The following WWOX variants were observed in gnomAD, a reference collection of about 807,000 sequenced individuals.
WWOX encodes the protein WW domain-containing oxidoreductase.
A neutral mutation model predicts 46.2 loss-of-function variants in WWOX; 69 were observed. That is an observed-to-expected ratio of 1.49 (90% CI 1.23 to 1.82). The LOEUF (loss-of-function observed/expected upper bound fraction) is 1.82, where lower values mean the gene tolerates loss of function less well. WWOX is among the 40% of genes most tolerant of loss of function. The probability of loss-of-function intolerance (pLI) is 0.00; values close to 1 mark genes in which losing one functional copy is unlikely to be tolerated. For synonymous variants in WWOX, 359 were observed against 202.6 expected (o/e 1.77, Z -6.56); for missense variants, 919 against 542.6 (o/e 1.69, Z -6.89).
chr16:78,422,408 A>G (rs1322109883), intron 6 of WWOX, among the ~76,000 whole-genome samples: 2 of 151,256 alleles, frequency 1.3e-5, no homozygotes, highest in Non-Finnish European at 2.9e-5. Flanking sequence ...TAGTGGTATG[A>G]TCATAGCTCA....
At chr16:78,881,458 A>AC (rs1330817027) in intron 8 of WWOX, among the ~76,000 whole-genome samples, 15 of 152,252 alleles carry the variant, frequency 9.9e-5, no homozygotes, top group African/African-American at 2.4e-4. Context: ...TCAGAGAATA[A>AC]AAGTTTCCAA....
chr16:79,024,618 G>C (rs1337593246), intron 8 of WWOX, among the ~76,000 whole-genome samples: 1 of 151,850 alleles, frequency 6.6e-6, no homozygotes, highest in African/African-American at 2.4e-5. Flanking sequence ...TATTTTTTTA[G>C]TAGAGACGGG....
At chr16:78,446,657 CTTTTTTTTTTTTTT>C (rs5818138) in intron 8 of WWOX, among the ~76,000 whole-genome samples, 1 of 88,120 alleles carries the variant, frequency 1.1e-5, no homozygotes, top group African/African-American at 4.6e-5. Flanking sequence ...CAAGTGTATA[CTTTTTTTTTTTTTT>C]TTTTTTTTTT....
At chr16:78,774,810 A>G (rs559697736) in intron 8 of WWOX, among the ~76,000 whole-genome samples, 1 of 152,278 alleles carries the variant, frequency 6.6e-6, no homozygotes, top group South Asian at 2.1e-4. Flanking sequence ...AGGTGCTCCC[A>G]GGAGATCTTG....
intron 5 of WWOX, among the ~76,000 whole-genome samples, chr16:78,192,199 A>G (rs1355130171): frequency 6.6e-6 from 1 of 152,170 alleles, no homozygotes; most frequent in Non-Finnish European, 1.5e-5. Context: ...GAAATTATTA[A>G]AAAAGAAAAC....
At chr16:79,039,777 C>G (rs185454044) in intron 8 of WWOX, among the ~76,000 whole-genome samples, 1 of 152,168 alleles carries the variant, frequency 6.6e-6, no homozygotes, top group South Asian at 2.1e-4. Context: ...TTTCTCACCT[C>G]GAAATCTCCC....
chr16:79,136,323 C>G (rs11644111), intron 8 of WWOX, among the ~76,000 whole-genome samples: 138 of 151,990 alleles, frequency 9.1e-4, no homozygotes, highest in Middle Eastern at 3.4e-3. Context: ...ATTTGACTCC[C>G]TGGTTCAAGC....
At position 78,733,692 on chromosome 16, in the gene WWOX, T is replaced by C. The variant is rs924252175; in HGVS notation, c.1056+300940T>C. The stretch of plus-strand genomic sequence containing the variant: ...ATGGTTTGAACTTGGGAGGTGGAGG[T>C]TGCAGTGAGCCGAGATCATGCCACT... On this transcript the variant is annotated intron_variant, in intron 8 of 8. Coordinates refer to ENST00000566780, the MANE Select transcript of WWOX (RefSeq NM_016373.4). 6.1e-5 allele frequency among the ~76,000 whole-genome samples: 9 copies of C among 148,540 alleles called. No homozygotes were observed. In the East Asian group the frequency reaches 1.2e-3, roughly 20 times the overall value.
At chr16:79,194,960 C>G (rs149361273) in intron 8 of WWOX, among the ~76,000 whole-genome samples, 1 of 152,106 alleles carries the variant, frequency 6.6e-6, no homozygotes, top group South Asian at 2.1e-4. Flanking sequence ...GATGCTACTG[C>G]TAATGCTGTC....
At chr16:78,188,300 T>C in intron 5 of WWOX, among the ~76,000 whole-genome samples, 1 of 151,976 alleles carries the variant, frequency 6.6e-6, no homozygotes, top group East Asian at 1.9e-4. Context: ...CCATCCTGGC[T>C]AACACGGTGA....
intron 1 of WWOX, among the ~76,000 whole-genome samples, chr16:78,106,542 G>A (rs1597204769): frequency 6.8e-6 from 1 of 147,226 alleles, no homozygotes; most frequent in Non-Finnish European, 1.5e-5. Flanking sequence ...TCAGCTTCCC[G>A]AGTAGCTGGG....
intron 5 of WWOX, among the ~76,000 whole-genome samples, chr16:78,193,750 G>A (rs1439792359): frequency 2.0e-5 from 3 of 151,834 alleles, no homozygotes; most frequent in South Asian, 2.1e-4. Context: ...TGGGATTTTT[G>A]TTTGTTTGAA....
At chr16:78,321,540 G>A (rs1371305545) in intron 5 of WWOX, among the ~76,000 whole-genome samples, 2 of 151,928 alleles carry the variant, frequency 1.3e-5, no homozygotes, top group South Asian at 2.1e-4. Context: ...CTTGTCTGAT[G>A]TTTGTGGGTG....
chr16:78,356,726 G>C (rs1041988397), intron 5 of WWOX, among the ~76,000 whole-genome samples: 3 of 151,970 alleles, frequency 2.0e-5, no homozygotes, highest in African/African-American at 7.2e-5. Flanking sequence ...ACTAAAAATA[G>C]AAAAAATTAG....
intron 8 of WWOX, among the ~76,000 whole-genome samples, chr16:79,029,864 T>A (rs57248849): frequency 6.6e-6 from 1 of 152,270 alleles, no homozygotes; most frequent in South Asian, 2.1e-4. Flanking sequence ...TTCAACAGTG[T>A]TTTAACTATC....
intron 8 of WWOX, among the ~76,000 whole-genome samples, chr16:79,162,424 T>G (rs1322046316): frequency 6.6e-6 from 1 of 152,204 alleles, no homozygotes; most frequent in Non-Finnish European, 1.5e-5. Context: ...AGTTAGGGGC[T>G]TCTTCTGGAT....
chr16:78,431,264 T>A (rs1452858210), intron 7 of WWOX, among the ~76,000 whole-genome samples: 3 of 152,228 alleles, frequency 2.0e-5, no homozygotes, highest in African/African-American at 7.2e-5. Context: ...TTAAAAACAT[T>A]AGATTTTGCC....
rs1408522070 is a variant in WWOX, at chr16:78,348,215, G to C, written c.517-38645G>C. The stretch of plus-strand genomic sequence containing the variant: ...TGTGTTTCTTCTTAACAAGGCAGAA[G>C]CCCAGAAGAGACTTCATGTACTGTG... On this transcript the variant is annotated intron_variant, in intron 5 of 8. Coordinates refer to ENST00000566780, the MANE Select transcript of WWOX (RefSeq NM_016373.4). Among the ~76,000 whole-genome samples the C allele has an allele frequency of 1.6e-5, 2 of 121,512 alleles. 1 individual carries two copies. The highest frequency in any genetic ancestry group is 3.9e-5 in the Non-Finnish European group (2 of 50,854). 79.7% of individuals were successfully genotyped at this position (121,512 alleles called of 152,430 possible).
intron 8 of WWOX, among the ~76,000 whole-genome samples, chr16:79,192,485 C>T (rs76080913): frequency 1.5e-3 from 221 of 152,264 alleles, no homozygotes; most frequent in African/African-American, 4.8e-3. Context: ...AGCCTCATCT[C>T]GTTAGTGCAA....
Sources: gnomAD v4.1 joint callset for allele counts (sites outside exome capture counted in the v4.1 genomes callset) on GRCh38, gnomAD v4.1.1 for gene constraint, MANE v1.5 for transcripts, NCBI Gene and HGNC (gene_info 2026-07-23, HGNC 2026-07-21) for gene names.